Variants in KIF20A observed in about 807,000 individuals in gnomAD.
KIF20A encodes the protein kinesin-like protein KIF20A.
A neutral mutation model predicts 113.0 loss-of-function variants in KIF20A; 66 were observed. That is an observed-to-expected ratio of 0.58 (90% confidence interval 0.48 to 0.72). The LOEUF is 0.72. KIF20A is among the 30% of genes least tolerant of loss of function. The pLI is 0.00. For synonymous variants in KIF20A, 376 were observed against 402.3 expected, an observed-to-expected ratio of 0.93 and a Z score of 0.78; for missense variants, 927 against 1,077.6, an observed-to-expected ratio of 0.86 and a Z score of 1.96.
At position 138,183,792 on chromosome 5, in the gene KIF20A, C is replaced by A. The variant is rs1482679085; in HGVS notation, c.1208+36C>A. On this transcript the variant is annotated intron_variant, in intron 10 of 18. Transcript: ENST00000394894. The surrounding 1 kb of genome is among the most constrained non-coding windows in gnomAD (Gnocchi z 5.2). Reference sequence around the variant, plus strand: ...CCATTTAGAAATTTGGGCTTCTTGGCCATAAATGATAGTTGGGAAAGCATG... The same window carrying A: ...CCATTTAGAAATTTGGGCTTCTTGGACATAAATGATAGTTGGGAAAGCATG... 1.3e-6 allele frequency: 2 copies of A among 1,591,280 alleles called. No homozygotes were observed. Among genetic ancestry groups the A allele is most frequent in the East Asian group, 2.2e-5 (1 of 44,744 alleles).
At position 138,185,722 on chromosome 5, in the gene KIF20A, G is replaced by C; in HGVS notation, c.2125+12G>C. On this transcript the variant is annotated intron_variant, in intron 16 of 18. Transcript: ENST00000394894. ...CTCTACCACTGAAGGTGAGGAAAGA[G>C]ACAGGCAGGAAACATAACAGTGGTT... 6.2e-7 allele frequency: 1 copy of C among 1,613,660 alleles called. No homozygotes were observed. The highest frequency in any genetic ancestry group is 2.2e-5 in the East Asian group (1 of 44,882).
Position 138,179,850 on chromosome 5 carries a change from A to G in KIF20A, c.165+5A>G. The G allele has an allele frequency of 6.2e-7, 1 of 1,613,924 alleles. No individual in the cohort carries two copies. The highest frequency in any genetic ancestry group is 8.5e-7 in the Non-Finnish European group (1 of 1,179,934). On this transcript the variant is annotated splice_donor_5th_base_variant and intron_variant, in intron 2 of 18. Transcript: ENST00000394894. ...TCCCTAGAGGACAAGCAGCAGGTAA[A>G]GGAACTGGGGAGTGGCTGGGGCGGA...
chr5:138,187,337 G>T lies in KIF20A; in HGVS notation c.2597G>T (p.Cys866Phe). The T allele has an allele frequency of 6.2e-7, 1 of 1,614,178 alleles. No homozygotes were observed. Reference protein sequence around the residue: ...RTPTCQSSTDCSPYARILRSR... With the variant: ...RTPTCQSSTDFSPYARILRSR... ...CCAACCTGCCAAAGCTCAACAGACT[G>T]CAGCCCTTATGCCCGGATCCTACGC... The change falls in exon 19 of 19, where the codon TGC (cysteine) becomes TTC (phenylalanine). Residue 866 changes from cysteine to phenylalanine, a missense_variant. Coordinates refer to ENST00000394894, the MANE Select transcript of KIF20A (RefSeq NM_005733.3).
At position 138,185,171 on chromosome 5, in the gene KIF20A, A is replaced by C. The variant is rs1435680224; in HGVS notation, c.1900A>C (p.Thr634Pro). The C allele has an allele frequency of 4.3e-6, 7 of 1,613,462 alleles. No homozygotes were observed. The highest frequency in any genetic ancestry group is 5.9e-6 in the Non-Finnish European group (7 of 1,179,598). The change falls in exon 15 of 19, where the codon ACA becomes CCA. Residue 634 changes from threonine to proline, a missense_variant. By Grantham distance (38) the Thr-to-Pro change is conservative (BLOSUM62 -1). Transcript: ENST00000394894. ...ACTAAATATCCTCAAGGAGTCACTG[A>C]CAAGTTTTTACCAAGAAGAGATTCA... ...EKLNILKESL[T>P]SFYQEEIQER...
intron 2 of KIF20A, among the ~76,000 whole-genome samples, chr5:138,181,092 G>A (rs1017831953): frequency 6.6e-6 from 1 of 152,250 alleles, no homozygotes; most frequent in African/African-American, 2.4e-5. Context: ...TAGTTACTAA[G>A]TCATGGAATT....
chr5:138,184,351 T>C lies in KIF20A; in HGVS notation c.1465T>C (p.Ser489Pro), dbSNP rs1561630041. The change falls in exon 12 of 19, where the codon TCT becomes CCT. Residue 489 changes from serine (S) to proline (P), a missense_variant. By Grantham distance (74) the Ser-to-Pro change is moderately conservative (BLOSUM62 -1). Transcript: ENST00000394894. ...GATTGTCAATGTGAATCCCTGTGCATCTACCTATGATGAAACTCTTCATGT... is the reference window on the plus strand; with the variant it reads ...GATTGTCAATGTGAATCCCTGTGCACCTACCTATGATGAAACTCTTCATGT... ...CMIVNVNPCA[S>P]TYDETLHVAK... 6.2e-7 allele frequency: 1 copy of C among 1,614,224 alleles called. No individual in the cohort carries two copies. Among genetic ancestry groups the C allele is most frequent in the East Asian group, 2.2e-5 (1 of 44,888 alleles).
Position 138,183,055 on chromosome 5 carries a change from C to G in KIF20A, c.832+65C>G. 1 of 1,608,914 alleles carries G rather than the reference C, an allele frequency of 6.2e-7. No individual in the cohort carries two copies. The highest frequency in any genetic ancestry group is 8.5e-7 in the Non-Finnish European group (1 of 1,176,562). On this transcript the variant is annotated intron_variant, in intron 7 of 18. Transcript: ENST00000394894. The surrounding 1 kb of genome is among the most constrained non-coding windows in gnomAD (Gnocchi z 5.2). ...ACTCACTCCCTGTTCCTAATAGCTGCCAGGAGTACAGACCAGAGGTTGCAA... is the reference window on the plus strand; with the variant it reads ...ACTCACTCCCTGTTCCTAATAGCTGGCAGGAGTACAGACCAGAGGTTGCAA...
In KIF20A at chr5:138,183,447, A is replaced by T; in HGVS notation, c.1028-23A>T. 2 of 1,610,904 alleles carry T rather than the reference A, an allele frequency of 1.2e-6. No individual in the cohort carries two copies. The highest frequency in any genetic ancestry group is 1.7e-6 in the Non-Finnish European group (2 of 1,177,144). On this transcript the variant is annotated intron_variant, in intron 8 of 18. Coordinates refer to ENST00000394894, the MANE Select transcript of KIF20A (RefSeq NM_005733.3). The surrounding 1 kb of genome is among the most constrained non-coding windows in gnomAD (Gnocchi z 5.2). ...CAAAAGAGTTGGATGTTCCCATCTT[A>T]CACCCCTCTCCTTTGGCCCCAGATC...
Position 138,182,476 on chromosome 5 carries a change from T to G in KIF20A, c.514+15T>G. 1 of 1,613,222 alleles carries G rather than the reference T, an allele frequency of 6.2e-7. No individual in the cohort carries two copies. Among genetic ancestry groups the G allele is most frequent in the African/African-American group, 1.3e-5 (1 of 74,998 alleles). On this transcript the variant is annotated intron_variant, in intron 5 of 18. Coordinates refer to ENST00000394894, the MANE Select transcript of KIF20A (RefSeq NM_005733.3). ...CACGATTCAAGGTGAGTAGTAAGCC[T>G]TCACGGGATTCCTGATTGGCTGGTA...
At chr5:138,186,271 G>C in intron 17 of KIF20A, 23 bp from the exon 18 acceptor site, 1 of 1,582,066 alleles carries the variant, frequency 6.3e-7, no homozygotes, top group South Asian at 1.2e-5. Context: ...GCCACAATAT[G>C]ATTCCTACTT....
chr5:138,181,183 C>G lies in KIF20A; in HGVS notation c.166-239C>G, dbSNP rs189506219. ...TCATACCAGTCAATAAATTCGAACT[C>G]AGATCATCGGTGTGGCAAGCCACAT... On this transcript the variant is annotated intron_variant, in intron 2 of 18. Transcript: ENST00000394894. 1.8e-4 allele frequency among the ~76,000 whole-genome samples: 28 copies of G among 152,342 alleles called. No homozygotes were observed. In the East Asian group the frequency reaches 4.8e-3, roughly 26 times the overall value.
intron 14 of KIF20A, 73 bp downstream of exon 14, chr5:138,185,019 G>C: frequency 6.3e-7 from 1 of 1,597,324 alleles, no homozygotes; most frequent in Non-Finnish European, 8.6e-7. Context: ...AGGTGGAGTT[G>C]TGCCTCAAGA....
At chr5:138,179,612 C>T in intron 1 of KIF20A, 48 bp from the exon 2 acceptor site, 1 of 1,566,596 alleles carries the variant, frequency 6.4e-7, no homozygotes. Context: ...GCGGCCCCTT[C>T]TGTCCCTAAA....
rs147681099 is a variant in KIF20A at position 138,186,391 on chromosome 5, G to C, written c.2315G>C (p.Arg772Pro). The C allele has an allele frequency of 6.2e-7, 1 of 1,611,124 alleles. No individual in the cohort carries two copies. The highest frequency in any genetic ancestry group is 1.3e-5 in the African/African-American group (1 of 74,670). Reference protein sequence around the residue: ...CCHSTGAGKLRQALTTCDDIL... With the variant: ...CCHSTGAGKLPQALTTCDDIL... ...CACAGCACTGGGGCAGGAAAACTTCGTCAAGCCTTGACCACTTGTGATGAC... is the reference window on the plus strand; with the variant it reads ...CACAGCACTGGGGCAGGAAAACTTCCTCAAGCCTTGACCACTTGTGATGAC... The change falls in exon 18 of 19, where the codon CGT becomes CCT. Residue 772 changes from arginine to proline, a missense_variant. Transcript: ENST00000394894.
At chr5:138,186,187 G>C in intron 17 of KIF20A, 107 bp from the exon 18 acceptor site, 1 of 1,494,672 alleles carries the variant, frequency 6.7e-7, no homozygotes, top group African/African-American at 1.4e-5. Context: ...TCACTCAGCT[G>C]ACTAGCCTTT....
Position 138,183,882 on chromosome 5 carries a change from C to T in KIF20A, c.1209-80C>T. Reference sequence around the variant, plus strand: ...GGTACAGAGATTCTTAGTGGGCCGTCCCCTCTCCAGAATTATACAAAGGGC... The same window carrying T: ...GGTACAGAGATTCTTAGTGGGCCGTTCCCTCTCCAGAATTATACAAAGGGC... On this transcript the variant is annotated intron_variant, in intron 10 of 18. Transcript: ENST00000394894. This position sits in a 1 kb window ranked among gnomAD's most constrained non-coding sequence, Gnocchi z 5.2. 1 of 1,595,174 alleles carries T rather than the reference C, an allele frequency of 6.3e-7. No individual in the cohort carries two copies. The highest frequency in any genetic ancestry group is 8.6e-7 in the Non-Finnish European group (1 of 1,165,662).
chr5:138,185,109 C>T lies in KIF20A; in HGVS notation c.1838C>T (p.Thr613Ile). The T allele has an allele frequency of 6.2e-7, 1 of 1,612,650 alleles. No homozygotes were observed. Among genetic ancestry groups the T allele is most frequent in the African/African-American group, 1.3e-5 (1 of 74,964 alleles). Reference sequence around the variant, plus strand: ...GTTTCTGACAGTGAACATTTGGACACCCAAAAGGAACTATTGGAGGAAATG... The same window carrying T: ...GTTTCTGACAGTGAACATTTGGACATCCAAAAGGAACTATTGGAGGAAATG... ...REQWCSEHLD[T>I]QKELLEEMYE... is the part of the protein sequence containing the mutation. Residue 613 changes from threonine (T) to isoleucine (I), a missense_variant, in exon 15 of 19, where the codon ACC (threonine) becomes ATC (isoleucine). Physicochemically the swap from Thr to Ile is moderately conservative, Grantham distance 89. Coordinates refer to ENST00000394894, the MANE Select transcript of KIF20A (RefSeq NM_005733.3).
At position 138,183,670 on chromosome 5, in the gene KIF20A, GT is replaced by G; in HGVS notation, c.1140-13del. 1 of 1,612,954 alleles carries G rather than the reference GT, an allele frequency of 6.2e-7. No homozygotes were observed. Reference sequence around the variant, plus strand: ...CATGGAAAATGTGCAATGACTTTTTGTTTTTCTTAACTTCCAGTCACAGCAT... The same window carrying G: ...CATGGAAAATGTGCAATGACTTTTTGTTTTCTTAACTTCCAGTCACAGCAT... On this transcript the variant is annotated splice_polypyrimidine_tract_variant and intron_variant, in intron 9 of 18. Coordinates refer to ENST00000394894, the MANE Select transcript of KIF20A (RefSeq NM_005733.3). This position sits in a 1 kb window ranked among gnomAD's most constrained non-coding sequence, Gnocchi z 5.2.
rs1368183927 is a variant in KIF20A at position 138,180,858 on chromosome 5, G to A, written c.166-564G>A. ...AGCCCAGCTAATTTTTGTATTTTTA[G>A]TAGAGATGGGGTTTTGCTGTGTTGG... On this transcript the variant is annotated intron_variant, in intron 2 of 18. Coordinates refer to ENST00000394894, the MANE Select transcript of KIF20A (RefSeq NM_005733.3). Among the ~76,000 whole-genome samples the A allele has an allele frequency of 2.0e-5, 3 of 152,106 alleles. No homozygotes were observed. In the East Asian group the frequency reaches 5.8e-4, roughly 29 times the overall value.
Sources: gnomAD v4.1 joint callset for allele counts (sites outside exome capture counted in the v4.1 genomes callset) on GRCh38, gnomAD v4.1.1 for gene constraint, Gnocchi (gnomAD v3.1) non-coding constraint, MANE v1.5 for transcripts, NCBI Gene and HGNC (gene_info 2026-07-23, HGNC 2026-07-21) for gene names.